The following CLVS2 variants were observed in gnomAD, a reference collection of about 807,000 sequenced individuals.
CLVS2 encodes clavesin-2.
CLVS2 carries 19 observed loss-of-function variants against 29.0 expected under a neutral mutation model. The observed-to-expected ratio is 0.66, with a 90% CI of 0.46 to 0.96. The LOEUF (loss-of-function observed/expected upper bound fraction) is 0.96. Ranked by LOEUF, CLVS2 falls within the 40% of genes least tolerant of loss-of-function variation. The probability of loss-of-function intolerance (pLI) is 0.00; values close to 1 mark genes in which losing one functional copy is unlikely to be tolerated. For missense variants in CLVS2, 294 were observed against 404.1 expected, an observed-to-expected ratio of 0.73 and a Z score of 2.34; for synonymous variants, 161 against 151.3, an observed-to-expected ratio of 1.06 and a Z score of -0.47.
At chr6:123,004,636 G>A (rs1322194191) in intron 2 of CLVS2, among the ~76,000 whole-genome samples, 2 of 152,196 alleles carry the variant, frequency 1.3e-5, no homozygotes, top group Admixed American at 6.5e-5. Context: ...GACCAGGCCA[G>A]GCACGGTGGC....
At chr6:123,030,144 A>G (rs77299420) in intron 3 of CLVS2, among the ~76,000 whole-genome samples, 4,505 of 152,280 alleles carry the variant, frequency 0.03, 77 homozygotes, top group African/African-American at 0.049. Context: ...GTCTCCTTTC[A>G]TATCATATTT....
intron 1 of CLVS2, among the ~76,000 whole-genome samples, 181 bp downstream of exon 1, chr6:122,996,927 C>A (rs1467898692): frequency 6.6e-6 from 1 of 151,830 alleles, no homozygotes; most frequent in Non-Finnish European, 1.5e-5. Context: ...GCGGCAAGTC[C>A]GTGGAAATGA....
intron 3 of CLVS2, among the ~76,000 whole-genome samples, chr6:123,021,053 G>GT (rs1014254479): frequency 5.6e-4 from 85 of 150,676 alleles, no homozygotes; most frequent in Admixed American, 2.9e-3. Context: ...AAAGAGTATG[G>GT]GGGGGGTAAA....
At chr6:123,015,187 C>G (rs937691580) in intron 3 of CLVS2, among the ~76,000 whole-genome samples, 2 of 151,864 alleles carry the variant, frequency 1.3e-5, no homozygotes, top group Non-Finnish European at 2.9e-5. Flanking sequence ...GGAAAATAAC[C>G]AGAGATGAGG....
intron 4 of CLVS2, among the ~76,000 whole-genome samples, chr6:123,049,214 G>A (rs1394457836): frequency 6.6e-6 from 1 of 151,948 alleles, no homozygotes; most frequent in East Asian, 1.9e-4. Context: ...GCTAATGTGT[G>A]GAAATTTTAA....
Position 122,996,434 on chromosome 6 carries a change from C to G in CLVS2, c.-872C>G, listed in dbSNP as rs6937330. The G allele has an allele frequency of 0.15, 23,324 of 152,738 alleles. 2,205 individuals are homozygous for G. Among genetic ancestry groups the G allele is most frequent in the East Asian group, 0.37 (1,900 of 5,098 alleles). The allele number at this position is 152,738 out of a possible 1,614,324, so 9.5% of individuals were successfully genotyped here. ...CCTTCTCCATCCAGGCGTTCGCGTC[C>G]TCCTCCCCACCTTCTCTCCCGAAGG... On this transcript the variant is annotated 5_prime_UTR_variant, in exon 1 of 6. Coordinates refer to ENST00000275162, the MANE Select transcript of CLVS2 (RefSeq NM_001010852.4).
At chr6:123,063,156 A>C (rs1772803015) in intron 5 of CLVS2, among the ~76,000 whole-genome samples, 1 of 152,192 alleles carries the variant, frequency 6.6e-6, no homozygotes, top group Non-Finnish European at 1.5e-5. Flanking sequence ...AAACATACAA[A>C]TTTTGATCTT....
intron 3 of CLVS2, among the ~76,000 whole-genome samples, chr6:123,011,565 C>A (rs1016877283): frequency 6.6e-6 from 1 of 151,910 alleles, no homozygotes; most frequent in Non-Finnish European, 1.5e-5. Flanking sequence ...ATATGTTCAA[C>A]TGTTGGAAAG....
intron 3 of CLVS2, among the ~76,000 whole-genome samples, chr6:123,024,677 A>G (rs891075729): frequency 6.6e-6 from 1 of 152,178 alleles, no homozygotes; most frequent in Admixed American, 6.6e-5. Context: ...ACTATGAGAA[A>G]GATATCTAAT....
chr6:123,018,134 A>T (rs181087255), intron 3 of CLVS2, among the ~76,000 whole-genome samples: 56 of 152,262 alleles, frequency 3.7e-4, no homozygotes, highest in Admixed American at 3.3e-4. Flanking sequence ...GTAATTATCT[A>T]TAATGAAAAA....
intron 5 of CLVS2, among the ~76,000 whole-genome samples, chr6:123,063,267 CT>C (rs1487312323): frequency 2.6e-5 from 4 of 151,976 alleles, no homozygotes; most frequent in African/African-American, 9.7e-5. Flanking sequence ...ATTAAGCCTC[CT>C]GTTATTTCTA....
intron 3 of CLVS2, among the ~76,000 whole-genome samples, chr6:123,029,594 A>C (rs1775053532): frequency 6.6e-6 from 1 of 152,190 alleles, no homozygotes; most frequent in African/African-American, 2.4e-5. Context: ...TGGAAAGTTT[A>C]GTTGAAACAA....
chr6:123,009,200 TG>T (rs1774715140), intron 2 of CLVS2, among the ~76,000 whole-genome samples: 1 of 151,948 alleles, frequency 6.6e-6, no homozygotes, highest in South Asian at 2.1e-4. Flanking sequence ...CCCCCAAACA[TG>T]GCCAATGAGA....
chr6:123,011,195 T>C, intron 3 of CLVS2, 36 bp downstream of exon 3: 1 of 1,424,430 alleles, frequency 7.0e-7, no homozygotes. Context: ...CTTGGTCTCT[T>C]GTGTTTGACT....
chr6:123,015,639 T>A (rs78892095), intron 3 of CLVS2, among the ~76,000 whole-genome samples: 247 of 152,186 alleles, frequency 1.6e-3, no homozygotes, highest in African/African-American at 5.7e-3. Context: ...CACATATTAA[T>A]ATAGGTGAAA....
chr6:123,001,334 A>T (rs1403840262), intron 2 of CLVS2, among the ~76,000 whole-genome samples: 2 of 152,182 alleles, frequency 1.3e-5, no homozygotes, highest in Non-Finnish European at 1.5e-5. Flanking sequence ...TTTGAGAGAC[A>T]TGGCATCATT....
At chr6:123,044,363 C>G (rs934116220) in intron 3 of CLVS2, among the ~76,000 whole-genome samples, 1 of 152,124 alleles carries the variant, frequency 6.6e-6, no homozygotes, top group African/African-American at 2.4e-5. Context: ...AGATAGATCT[C>G]AATCAATTTA....
intron 3 of CLVS2, among the ~76,000 whole-genome samples, chr6:123,017,445 G>T (rs1228163780): frequency 1.3e-5 from 2 of 152,050 alleles, no homozygotes; most frequent in Non-Finnish European, 2.9e-5. Flanking sequence ...TCTACATTTT[G>T]TATGCAGAGG....
intron 3 of CLVS2, among the ~76,000 whole-genome samples, chr6:123,042,720 G>A (rs142131853): frequency 3.7e-4 from 57 of 152,208 alleles, no homozygotes; most frequent in Non-Finnish European, 6.6e-4. Context: ...CTTTGCTTTC[G>A]TCAGGAAGGC....
Sources: allele counts gnomAD v4.1 joint callset (sites outside exome capture counted in the v4.1 genomes callset), GRCh38; gene constraint gnomAD v4.1.1; transcripts MANE v1.5; gene names NCBI Gene and HGNC (gene_info 2026-07-23, HGNC 2026-07-21).